GSK3B: variants seen among roughly 807,000 people sequenced by gnomAD.
GSK3B encodes glycogen synthase kinase 3 beta, also known as glycogen synthase kinase-3 beta.
GSK3B carries 15 observed loss-of-function variants against 56.4 expected under a neutral mutation model. That is an observed-to-expected ratio of 0.27 (90% confidence interval 0.18 to 0.41). The LOEUF (loss-of-function observed/expected upper bound fraction) is 0.41. Among genes scored for constraint, GSK3B ranks in the 10% least tolerant of loss-of-function variants. GSK3B has a pLI of 1.00. For synonymous variants in GSK3B, 181 were observed against 188.9 expected (o/e 0.96, Z 0.34); for missense variants, 300 against 513.4 (o/e 0.58, Z 4.02).
chr3:119,984,756 A>C (rs188517144), intron 2 of GSK3B, among the ~76,000 whole-genome samples: 2 of 152,290 alleles, frequency 1.3e-5, no homozygotes, highest in African/African-American at 4.8e-5. Flanking sequence ...CCAGGACCAG[A>C]GGTACAAAGA....
chr3:120,042,870 T>C (rs534469644), intron 1 of GSK3B, among the ~76,000 whole-genome samples: 3 of 152,290 alleles, frequency 2.0e-5, no homozygotes, highest in Non-Finnish European at 4.4e-5. Context: ...GGACCAAATG[T>C]CTTCCAATTG....
intron 3 of GSK3B, among the ~76,000 whole-genome samples, chr3:119,933,647 TG>T (rs1341077281): frequency 1.3e-5 from 2 of 151,472 alleles, no homozygotes; most frequent in Non-Finnish European, 2.9e-5. Context: ...GAGGCCGAGG[TG>T]GGTGGATCAC....
At chr3:119,827,942 G>A (rs1194459797) in intron 10 of GSK3B, among the ~76,000 whole-genome samples, 2 of 151,906 alleles carry the variant, frequency 1.3e-5, no homozygotes, top group Non-Finnish European at 2.9e-5. Context: ...TAATTTAATT[G>A]TACATTTTAA....
At chr3:119,857,149 T>C (rs2056034340) in intron 9 of GSK3B, among the ~76,000 whole-genome samples, 1 of 152,200 alleles carries the variant, frequency 6.6e-6, no homozygotes, top group African/African-American at 2.4e-5. Flanking sequence ...GTCTTATACC[T>C]TTATGTCGAT....
At chr3:120,042,283 C>G (rs2058070140) in intron 1 of GSK3B, among the ~76,000 whole-genome samples, 1 of 152,086 alleles carries the variant, frequency 6.6e-6, no homozygotes, top group South Asian at 2.1e-4. Flanking sequence ...CTAGTAAGAA[C>G]AGGCACTAAA....
At chr3:120,079,398 A>G (rs2058397571) in intron 1 of GSK3B, among the ~76,000 whole-genome samples, 1 of 150,396 alleles carries the variant, frequency 6.6e-6, no homozygotes, top group Admixed American at 6.6e-5. Flanking sequence ...ATACATATTA[A>G]ACATTTTTTT....
intron 1 of GSK3B, among the ~76,000 whole-genome samples, chr3:120,074,409 T>C (rs1199257928): frequency 1.3e-5 from 2 of 150,148 alleles, no homozygotes; most frequent in Non-Finnish European, 3.0e-5. Context: ...TGGAGTGCAG[T>C]GGCACGATCT....
intron 7 of GSK3B, among the ~76,000 whole-genome samples, chr3:119,892,389 C>T (rs940362637): frequency 6.6e-6 from 1 of 152,186 alleles, no homozygotes; most frequent in Non-Finnish European, 1.5e-5. Context: ...TATTTATCCA[C>T]TCCCTTCCGC....
At chr3:119,859,216 C>T (rs1214776308) in intron 9 of GSK3B, among the ~76,000 whole-genome samples, 1 of 148,178 alleles carries the variant, frequency 6.7e-6, no homozygotes, top group African/African-American at 2.5e-5. Flanking sequence ...CTGTGAAATG[C>T]AATAAAGTGA....
intron 1 of GSK3B, among the ~76,000 whole-genome samples, chr3:120,092,182 A>T (rs1367979658): frequency 6.6e-6 from 1 of 152,198 alleles, no homozygotes; most frequent in African/African-American, 2.4e-5. Context: ...ACTTCTCCAT[A>T]AATAGAGATA....
chr3:120,092,859 T>C (rs2058525430), intron 1 of GSK3B, among the ~76,000 whole-genome samples: 1 of 152,192 alleles, frequency 6.6e-6, no homozygotes, highest in Non-Finnish European at 1.5e-5. Flanking sequence ...AAAAAAATGT[T>C]GGGAGGGTGG....
chr3:119,928,622 A>AT (rs2056912293), intron 3 of GSK3B, among the ~76,000 whole-genome samples: 2 of 149,874 alleles, frequency 1.3e-5, no homozygotes, highest in South Asian at 4.2e-4. Flanking sequence ...TAAAAAAAAA[A>AT]AAAAAAAAAA....
chr3:119,975,718 T>G (rs1393881396), intron 2 of GSK3B, among the ~76,000 whole-genome samples: 2 of 152,194 alleles, frequency 1.3e-5, no homozygotes, highest in Non-Finnish European at 2.9e-5. Context: ...ACCCACAGAC[T>G]GTACAACACA....
chr3:119,857,364 C>T (rs1290389071), intron 9 of GSK3B, among the ~76,000 whole-genome samples: 1 of 152,204 alleles, frequency 6.6e-6, no homozygotes, highest in African/African-American at 2.4e-5. Flanking sequence ...AACCCTGTCA[C>T]CGCTTTCAAC....
At chr3:120,011,875 T>C (rs1274360550) in intron 1 of GSK3B, among the ~76,000 whole-genome samples, 1 of 152,242 alleles carries the variant, frequency 6.6e-6, no homozygotes, top group Non-Finnish European at 1.5e-5. Context: ...GATTAATTTA[T>C]CATAAAGCTT....
At chr3:119,833,543 A>C (rs1268494277) in intron 10 of GSK3B, among the ~76,000 whole-genome samples, 1 of 152,128 alleles carries the variant, frequency 6.6e-6, no homozygotes, top group Non-Finnish European at 1.5e-5. Flanking sequence ...TGCTCTCAAC[A>C]CATTTCAAGT....
chr3:119,961,545 TTGAACCCAAAA>T (rs2057271619), intron 2 of GSK3B, among the ~76,000 whole-genome samples: 2 of 151,280 alleles, frequency 1.3e-5, no homozygotes, highest in African/African-American at 4.9e-5. Flanking sequence ...CAAGAATCGC[TTGAACCCAAAA>T]GGCAGAAGTT....
At chr3:119,983,318 G>A (rs553201698) in intron 2 of GSK3B, among the ~76,000 whole-genome samples, 4 of 152,106 alleles carry the variant, frequency 2.6e-5, no homozygotes, top group South Asian at 2.1e-4. Flanking sequence ...AATAACCAGC[G>A]AACATCATAA....
intron 10 of GSK3B, among the ~76,000 whole-genome samples, chr3:119,835,282 T>C (rs1010693954): frequency 6.6e-6 from 1 of 152,196 alleles, no homozygotes; most frequent in Non-Finnish European, 1.5e-5. Flanking sequence ...CAGAAAGCAA[T>C]TTGACATTAA....
Sources: allele counts gnomAD v4.1 joint callset (sites outside exome capture counted in the v4.1 genomes callset), GRCh38; gene constraint gnomAD v4.1.1; transcripts MANE v1.5; gene names NCBI Gene and HGNC (gene_info 2026-07-23, HGNC 2026-07-21).